Variants in RGS13 observed in about 807,000 individuals in gnomAD.
RGS13 encodes regulator of G protein signaling 13.
Under a neutral mutation model 19.9 loss-of-function variants are expected in RGS13, and 14 were observed. That is an observed-to-expected ratio of 0.70 (90% confidence interval 0.46 to 1.10). The LOEUF (loss-of-function observed/expected upper bound fraction) is 1.10, where lower values mean the gene tolerates loss of function less well. RGS13 is among the 50% of genes least tolerant of loss of function. The pLI, the probability that RGS13 is intolerant of heterozygous loss-of-function variation, is 0.00. For missense variants in RGS13, 205 were observed against 187.1 expected, an observed-to-expected ratio of 1.10 and a Z score of -0.56; for synonymous variants, 60 against 56.8, an observed-to-expected ratio of 1.06 and a Z score of -0.25.
At chr1:192,658,531 C>A in intron 6 of RGS13, 164 bp downstream of exon 6, 1 of 580,830 alleles carries the variant, frequency 1.7e-6, no homozygotes, top group Non-Finnish European at 2.9e-6. Flanking sequence ...ACCTGAGACT[C>A]TGAGAACTTG....
At chr1:192,653,759 T>C (rs1487281860) in intron 5 of RGS13, among the ~76,000 whole-genome samples, 3 of 152,140 alleles carry the variant, frequency 2.0e-5, no homozygotes, top group East Asian at 1.9e-4. Context: ...TGTGTTTGTG[T>C]AGATGAATGA....
At chr1:192,658,007 T>C (rs1663474442) in intron 5 of RGS13, among the ~76,000 whole-genome samples, 194 bp from the exon 6 acceptor site, 2 of 152,120 alleles carry the variant, frequency 1.3e-5, no homozygotes, top group Admixed American at 6.6e-5. Flanking sequence ...GTGATCAGCA[T>C]TGTCAAAGCA....
At chr1:192,656,545 T>C (rs778764802) in intron 5 of RGS13, among the ~76,000 whole-genome samples, 1 of 152,082 alleles carries the variant, frequency 6.6e-6, no homozygotes, top group Admixed American at 6.6e-5. Flanking sequence ...AGTTAAAATA[T>C]ATCCCCCTCA....
chr1:192,644,088 T>C (rs1233008920), intron 3 of RGS13, among the ~76,000 whole-genome samples: 1 of 152,212 alleles, frequency 6.6e-6, no homozygotes, highest in African/African-American at 2.4e-5. Context: ...GTTTAATAAA[T>C]AGGCCAGTTG....
rs1206987769 is a variant in RGS13 at position 192,660,046 on chromosome 1, A to G, written c.*523A>G. On this transcript the variant is annotated 3_prime_UTR_variant, in exon 7 of 7. Coordinates refer to ENST00000391995, the MANE Select transcript of RGS13 (RefSeq NM_002927.5). ...TTATCTATAAAATTTTCCTACTATT[A>G]TGTTCATTAACAAACTTCTTTATCA... 6.6e-6 allele frequency: 1 copy of G among 152,094 alleles called. No homozygotes were observed. Among genetic ancestry groups the G allele is most frequent in the Admixed American group, 6.6e-5 (1 of 15,262 alleles). 9.4% of individuals were successfully genotyped at this position (152,094 alleles called of 1,614,324 possible).
intron 5 of RGS13, among the ~76,000 whole-genome samples, chr1:192,649,716 T>C (rs1187894483): frequency 2.0e-5 from 3 of 152,278 alleles, no homozygotes; most frequent in East Asian, 3.9e-4. Context: ...TGTACATCTA[T>C]GATTCTTCTC....
intron 3 of RGS13, among the ~76,000 whole-genome samples, chr1:192,643,293 T>C (rs890091807): frequency 6.6e-6 from 1 of 152,210 alleles, no homozygotes; most frequent in South Asian, 2.1e-4. Flanking sequence ...TAAAGACTGA[T>C]ATAAAAATTC....
At chr1:192,649,821 A>C (rs943253574) in intron 5 of RGS13, among the ~76,000 whole-genome samples, 1 of 152,164 alleles carries the variant, frequency 6.6e-6, no homozygotes, top group African/African-American at 2.4e-5. Flanking sequence ...AAAACTGCTT[A>C]GTAATTTCTC....
chr1:192,637,170 T>C (rs1663030797), intron 1 of RGS13, among the ~76,000 whole-genome samples: 1 of 151,834 alleles, frequency 6.6e-6, no homozygotes, highest in African/African-American at 2.4e-5. Flanking sequence ...CAAATAATTA[T>C]CAGGAGAAAA....
chr1:192,641,229 AAAG>A (rs1220016443), intron 3 of RGS13, among the ~76,000 whole-genome samples: 536 of 34,770 alleles, frequency 0.015, no homozygotes, highest in Non-Finnish European at 0.044. Context: ...AGAGAGAAAG[AAAG>A]AAAGAAAGAA....
intron 5 of RGS13, among the ~76,000 whole-genome samples, chr1:192,652,824 C>T (rs565784878): frequency 2.3e-4 from 35 of 151,920 alleles, no homozygotes; most frequent in Non-Finnish European, 4.6e-4. Flanking sequence ...TGTTGAGGCA[C>T]GGGGTACATG....
chr1:192,657,432 A>G (rs1663461764), intron 5 of RGS13, among the ~76,000 whole-genome samples: 1 of 152,096 alleles, frequency 6.6e-6, no homozygotes, highest in Non-Finnish European at 1.5e-5. Flanking sequence ...TAATGTCTCA[A>G]TTGGAAAAGC....
At chr1:192,637,768 T>G (rs1663040833) in intron 2 of RGS13, 108 bp downstream of exon 2, 1 of 152,046 alleles carries the variant, frequency 6.6e-6, no homozygotes, top group African/African-American at 2.4e-5. Flanking sequence ...TATAAAATAT[T>G]TAAAGTTATT....
chr1:192,642,684 A>G lies in RGS13; in HGVS notation c.-4-1647A>G, dbSNP rs1663146137. On this transcript the variant is annotated intron_variant, in intron 3 of 6. Transcript: ENST00000391995. ...CTCATTGCCTCTTAATCTTTGCTCA[A>G]GTTGCCCCTCCTTCACTCAGCACAC... is the stretch of plus-strand genomic sequence containing the variant. 2.6e-5 allele frequency among the ~76,000 whole-genome samples: 4 copies of G among 151,924 alleles called. No homozygotes were observed. The South Asian group carries it at 8.3e-4, about 32-fold the overall frequency.
intron 5 of RGS13, among the ~76,000 whole-genome samples, chr1:192,657,059 T>G (rs923701293): frequency 2.0e-5 from 3 of 152,114 alleles, no homozygotes; most frequent in Non-Finnish European, 2.9e-5. Context: ...GTGATAGATA[T>G]GTTTATGGCA....
chr1:192,655,769 A>C (rs1571587241), intron 5 of RGS13, among the ~76,000 whole-genome samples: 1 of 152,212 alleles, frequency 6.6e-6, no homozygotes, highest in Middle Eastern at 3.4e-3. Flanking sequence ...ATAGAATACC[A>C]TATATCCATG....
chr1:192,642,380 G>T (rs954739298), intron 3 of RGS13, among the ~76,000 whole-genome samples: 2 of 148,514 alleles, frequency 1.3e-5, no homozygotes, highest in Non-Finnish European at 3.0e-5. Flanking sequence ...GGAGTGCAAT[G>T]GTGTGATCAC....
Position 192,659,380 on chromosome 1 carries a change from A to G in RGS13, c.337A>G (p.Ile113Val), listed in dbSNP as rs776054615. Residue 113 changes from isoleucine to valine, a missense_variant, in exon 7 of 7, where the codon ATT becomes GTT. Physicochemically the swap from Ile to Val is conservative, Grantham distance 29. Transcript: ENST00000391995. Reference protein sequence around the residue: ...SSTRETIIRNIQEPTETCFEE... With the variant: ...SSTRETIIRNVQEPTETCFEE... ...GACAAGAGAGACTATCATCAGGAAC[A>G]TTCAGGAACCCACTGAAACATGTTT... 6.2e-7 allele frequency: 1 copy of G among 1,613,080 alleles called. No homozygotes were observed. Among genetic ancestry groups the G allele is most frequent in the Non-Finnish European group, 8.5e-7 (1 of 1,179,432 alleles).
At chr1:192,651,910 T>C (rs997468750) in intron 5 of RGS13, among the ~76,000 whole-genome samples, 3 of 152,024 alleles carry the variant, frequency 2.0e-5, no homozygotes, top group Non-Finnish European at 4.4e-5. Flanking sequence ...GGAAGGCTCA[T>C]TGGTTGACTG....
Sources: allele counts gnomAD v4.1 joint callset (sites outside exome capture counted in the v4.1 genomes callset), GRCh38; gene constraint gnomAD v4.1.1; transcripts MANE v1.5; gene names NCBI Gene and HGNC (gene_info 2026-07-23, HGNC 2026-07-21).